The following TXLNB variants were observed in gnomAD, a reference collection of about 807,000 sequenced individuals.
The protein encoded by TXLNB is beta-taxilin.
A neutral mutation model predicts 57.4 loss-of-function variants in TXLNB; 37 were observed. The observed-to-expected ratio is 0.64, with a 90% CI of 0.50 to 0.85. TXLNB has a LOEUF of 0.85. Among genes scored for constraint, TXLNB ranks in the 40% least tolerant of loss-of-function variants. The pLI is 0.00. For missense variants in TXLNB, 848 were observed against 825.6 expected (o/e 1.03, Z -0.33); for synonymous variants, 302 against 309.6 (o/e 0.98, Z 0.26).
At chr6:139,270,723 T>C (rs1776741016) in intron 3 of TXLNB, 97 bp from the exon 4 acceptor site, 1 of 1,116,764 alleles carries the variant, frequency 9.0e-7, no homozygotes, top group African/African-American at 1.6e-5. Flanking sequence ...TGTGGTTGTT[T>C]GGAAACATTT....
the TXLNB span, among the ~76,000 whole-genome samples, chr6:139,224,314 G>A: frequency 8.0e-6 from 1 of 124,874 alleles, no homozygotes; most frequent in East Asian, 2.8e-4. Context: ...GGGGAGGGGG[G>A]GAGGGATAGC....
the TXLNB span, among the ~76,000 whole-genome samples, chr6:139,231,453 C>T: frequency 6.6e-6 from 1 of 152,188 alleles, no homozygotes; most frequent in African/African-American, 2.4e-5. Context: ...CTTGTAACCA[C>T]TGTCATTCCA....
the TXLNB span, among the ~76,000 whole-genome samples, chr6:139,216,001 T>C: frequency 1.3e-5 from 2 of 151,882 alleles, no homozygotes; most frequent in Non-Finnish European, 2.9e-5. Context: ...TGTGGAGAAA[T>C]AGGAACACTT....
chr6:139,238,395 C>CA (rs1203645328), downstream of TXLNB, among the ~76,000 whole-genome samples: 6 of 151,464 alleles, frequency 4.0e-5, no homozygotes, highest in Admixed American at 2.6e-4. Context: ...CTTAGTCTCA[C>CA]AAAAAAGAAA....
At chr6:139,231,300 G>A in the TXLNB span, among the ~76,000 whole-genome samples, 1 of 152,124 alleles carries the variant, frequency 6.6e-6, no homozygotes, top group Admixed American at 6.5e-5. Flanking sequence ...ACAGCCCAGA[G>A]TCTCTTCCAG....
At chr6:139,319,449 G>T in the TXLNB span, among the ~76,000 whole-genome samples, 2 of 151,368 alleles carry the variant, frequency 1.3e-5, no homozygotes, top group African/African-American at 4.9e-5. Flanking sequence ...TGTCACTCAG[G>T]TTGGAGTGCA....
chr6:139,186,676 G>A, the TXLNB span, among the ~76,000 whole-genome samples: 3 of 152,148 alleles, frequency 2.0e-5, no homozygotes, highest in African/African-American at 7.2e-5. Context: ...ATGAATGTTT[G>A]TAGCAGCTTT....
chr6:139,195,638 A>G, the TXLNB span, among the ~76,000 whole-genome samples: 1 of 152,226 alleles, frequency 6.6e-6, no homozygotes. Flanking sequence ...AAATAATTCT[A>G]TCACATTAAA....
At chr6:139,302,935 CAG>C in the TXLNB span, among the ~76,000 whole-genome samples, 2 of 152,060 alleles carry the variant, frequency 1.3e-5, no homozygotes, top group African/African-American at 2.4e-5. Context: ...AAAAAATTGA[CAG>C]AGAAATATGC....
At chr6:139,198,774 G>A in the TXLNB span, among the ~76,000 whole-genome samples, 1 of 152,090 alleles carries the variant, frequency 6.6e-6, no homozygotes, top group Admixed American at 6.5e-5. Context: ...TTCCTCCCAG[G>A]CTGCAGCTCT....
rs546602053 is a variant in TXLNB at position 139,263,118 on chromosome 6, G to A, written c.688-345C>T. On this transcript the variant is annotated intron_variant, in intron 4 of 9. Coordinates refer to ENST00000358430, the MANE Select transcript of TXLNB (RefSeq NM_153235.4). ...CTCTTGGCTGTGGCCTGAAAAAAAG[G>A]CCACTTGAGTTTACTGATGGATGAG... is the stretch of plus-strand genomic sequence containing the variant. Among the ~76,000 whole-genome samples, 3 of 152,318 alleles carry A rather than the reference G, an allele frequency of 2.0e-5. No homozygotes were observed. The South Asian group carries it at 6.2e-4, about 32-fold the overall frequency.
the TXLNB span, among the ~76,000 whole-genome samples, chr6:139,310,705 T>A: frequency 6.6e-6 from 1 of 152,188 alleles, no homozygotes. Flanking sequence ...TTGGTTTGGT[T>A]TTTTTTGAGA....
the TXLNB span, among the ~76,000 whole-genome samples, chr6:139,163,563 A>G: frequency 6.6e-6 from 1 of 152,084 alleles, no homozygotes; most frequent in African/African-American, 2.4e-5. Context: ...CATGTTGGCC[A>G]GGCTAGTATC....
At position 139,242,670 on chromosome 6, in the gene TXLNB, T is replaced by C; in HGVS notation, c.1911A>G (p.Ala637=). The change falls in exon 10 of 10, where the codon GCA becomes GCG. Residue 637 remains alanine (A), a synonymous_variant. Transcript: ENST00000358430. ...EADVPAPACA[A]EEHVAAMVPA... is the part of the protein sequence containing the mutation. ...GCACCATGGCTGCAACGTGCTCTTC[T>C]GCTGCGCATGCTGGAGCAGGCACAT... The C allele has an allele frequency of 1.2e-6, 2 of 1,610,914 alleles. No individual in the cohort carries two copies. Among genetic ancestry groups the C allele is most frequent in the Non-Finnish European group, 1.7e-6 (2 of 1,178,770 alleles).
At chr6:139,266,965 G>GAAAAAAAAA (rs201223278) in intron 4 of TXLNB, among the ~76,000 whole-genome samples, 10 of 110,490 alleles carry the variant, frequency 9.1e-5, no homozygotes, top group Non-Finnish European at 1.0e-4. Flanking sequence ...AGGCTAAAAG[G>GAAAAAAAAA]AAAAAAAAAA....
chr6:139,167,799 G>A, the TXLNB span, among the ~76,000 whole-genome samples: 1 of 152,158 alleles, frequency 6.6e-6, no homozygotes, highest in Non-Finnish European at 1.5e-5. Context: ...AGCAGCAAAA[G>A]GTAAACAGGA....
chr6:139,195,882 A>C, the TXLNB span, among the ~76,000 whole-genome samples: 4 of 151,978 alleles, frequency 2.6e-5, no homozygotes, highest in Admixed American at 1.3e-4. Flanking sequence ...TTTTCTCCAA[A>C]TACGTCTGCT....
At chr6:139,163,440 C>T in the TXLNB span, among the ~76,000 whole-genome samples, 6 of 151,220 alleles carry the variant, frequency 4.0e-5, no homozygotes, top group Non-Finnish European at 7.4e-5. Context: ...CTACAACCTT[C>T]GTCTTCCAAT....
chr6:139,216,461 A>T, the TXLNB span, among the ~76,000 whole-genome samples: 6 of 113,684 alleles, frequency 5.3e-5, no homozygotes, highest in Admixed American at 5.0e-4. Flanking sequence ...AACATCACAC[A>T]CTGGGGCCTG....
Sources: gnomAD v4.1 joint callset for allele counts (sites outside exome capture counted in the v4.1 genomes callset) on GRCh38, gnomAD v4.1.1 for gene constraint, MANE v1.5 for transcripts, NCBI Gene and HGNC (gene_info 2026-07-23, HGNC 2026-07-21) for gene names.